PAK5: variants seen among roughly 807,000 people sequenced by gnomAD.
The protein encoded by PAK5 is serine/threonine-protein kinase PAK 5.
A neutral mutation model predicts 65.9 loss-of-function variants in PAK5; 16 were observed. The ratio of observed to expected loss-of-function variants is 0.24; its 90% CI spans 0.16 to 0.37. The LOEUF (loss-of-function observed/expected upper bound fraction) is 0.37, where lower values mean the gene tolerates loss of function less well. Among genes scored for constraint, PAK5 ranks in the 10% least tolerant of loss-of-function variants. The pLI is 1.00. For missense variants in PAK5, 785 were observed against 903.9 expected (o/e 0.87, Z 1.69); for synonymous variants, 371 against 354.9 (o/e 1.05, Z -0.51).
At chr20:9,610,371 G>A (rs778906840) in intron 3 of PAK5, among the ~76,000 whole-genome samples, 1 of 152,150 alleles carries the variant, frequency 6.6e-6, no homozygotes, top group Non-Finnish European at 1.5e-5. Context: ...AGCCTGTACT[G>A]GCAGCTATCT....
At chr20:9,670,582 G>A (rs1174146126) in intron 2 of PAK5, among the ~76,000 whole-genome samples, 1 of 152,212 alleles carries the variant, frequency 6.6e-6, no homozygotes. Flanking sequence ...TTTGAGAAGT[G>A]TCTGTTCATA....
At chr20:9,819,916 G>T (rs563006008) in intron 1 of PAK5, among the ~76,000 whole-genome samples, 1 of 152,156 alleles carries the variant, frequency 6.6e-6, no homozygotes, top group African/African-American at 2.4e-5. Flanking sequence ...AGAGCTGTAG[G>T]GGGGCTGTCC....
At chr20:9,687,181 G>A (rs367904202) in intron 2 of PAK5, among the ~76,000 whole-genome samples, 1 of 152,270 alleles carries the variant, frequency 6.6e-6, no homozygotes, top group East Asian at 1.9e-4. Flanking sequence ...CCCCAAGGCT[G>A]CCCATACTGG....
chr20:9,824,019 A>C (rs2049455906), intron 1 of PAK5, among the ~76,000 whole-genome samples: 2 of 152,236 alleles, frequency 1.3e-5, no homozygotes, highest in Non-Finnish European at 2.9e-5. Flanking sequence ...ATTAAATGAG[A>C]TAGTGTTTAC....
chr20:9,612,285 G>A (rs1237870763), intron 3 of PAK5, among the ~76,000 whole-genome samples: 3 of 152,118 alleles, frequency 2.0e-5, no homozygotes, highest in East Asian at 1.9e-4. Context: ...TGTCGTCTCC[G>A]TCTGGAGAAC....
At chr20:9,607,582 T>C (rs2046478413) in intron 3 of PAK5, among the ~76,000 whole-genome samples, 1 of 152,084 alleles carries the variant, frequency 6.6e-6, no homozygotes, top group African/African-American at 2.4e-5. Context: ...ATCCCAGCAC[T>C]TTGGGAGGCC....
intron 4 of PAK5, chr20:9,575,749 C>T (rs772257929): frequency 2.6e-5 from 4 of 152,198 alleles, no homozygotes; most frequent in African/African-American, 9.7e-5. Context: ...CAAGGTGAGG[C>T]TACCTCTAGG....
chr20:9,733,845 C>G (rs551294066), intron 1 of PAK5, among the ~76,000 whole-genome samples: 2 of 152,328 alleles, frequency 1.3e-5, no homozygotes, highest in Non-Finnish European at 2.9e-5. Flanking sequence ...CTCTACCCAT[C>G]TCTCCAGACC....
intron 3 of PAK5, among the ~76,000 whole-genome samples, chr20:9,617,129 C>G (rs1213361624): frequency 6.6e-6 from 1 of 152,158 alleles, no homozygotes; most frequent in Admixed American, 6.5e-5. Context: ...AATACATAAT[C>G]GGCTTCACTA....
intron 1 of PAK5, among the ~76,000 whole-genome samples, chr20:9,746,990 T>C (rs552831680): frequency 3.9e-5 from 6 of 151,994 alleles, no homozygotes; most frequent in Admixed American, 3.9e-4. Flanking sequence ...CAATAAAAAA[T>C]GGTAAAGGGG....
At chr20:9,590,869 C>T (rs536788253) in intron 3 of PAK5, among the ~76,000 whole-genome samples, 3 of 152,274 alleles carry the variant, frequency 2.0e-5, no homozygotes, top group South Asian at 4.1e-4. Flanking sequence ...AACAGCAATT[C>T]GAGAAGCAGA....
At position 9,665,085 on chromosome 20, in the gene PAK5, GT is replaced by G. The variant is rs754435525; in HGVS notation, c.-11-20747del. Among the ~76,000 whole-genome samples, 172 of 98,878 alleles carry G rather than the reference GT, an allele frequency of 1.7e-3. 4 individuals are homozygous for G. The highest frequency in any genetic ancestry group is 7.2e-3 in the Middle Eastern group (1 of 138). The allele number at this position is 98,878 out of a possible 152,430, so 64.9% of individuals were successfully genotyped here. On this transcript the variant is annotated intron_variant, in intron 2 of 9. Transcript: ENST00000353224. ...CCACCATGCCCAGCTAAATTTTTCT[GT>G]TTTTTTTTTTTTTTGTAGTGATGAA...
intron 8 of PAK5, among the ~76,000 whole-genome samples, chr20:9,543,897 A>G (rs2045304702): frequency 6.6e-6 from 1 of 152,170 alleles, no homozygotes; most frequent in Non-Finnish European, 1.5e-5. Flanking sequence ...TTTTTTTCCT[A>G]TGAGAAAACA....
intron 2 of PAK5, among the ~76,000 whole-genome samples, chr20:9,671,287 G>A (rs2047494053): frequency 6.6e-6 from 1 of 152,186 alleles, no homozygotes; most frequent in South Asian, 2.1e-4. Context: ...GAACTTTAAA[G>A]TAGTTTTTTC....
intron 1 of PAK5, among the ~76,000 whole-genome samples, chr20:9,781,687 C>T (rs939801099): frequency 7.1e-6 from 1 of 141,660 alleles, no homozygotes; most frequent in African/African-American, 2.7e-5. Context: ...TTTTAGTTCT[C>T]GTGCCAAGAA....
rs4053117 is a variant in PAK5 at position 9,677,045 on chromosome 20, ATGTGTGTGTGTGTGTG to A, written c.-11-32722_-11-32707del. The stretch of plus-strand genomic sequence containing the variant: ...GGGAAATCAAAATCAGGGTATGTGC[ATGTGTGTGTGTGTGTG>A]TGTGTGTGTGTGTGTGTGTGTGTGT... On this transcript the variant is annotated intron_variant, in intron 2 of 9. Coordinates refer to ENST00000353224, the MANE Select transcript of PAK5 (RefSeq NM_177990.4). Among the ~76,000 whole-genome samples the A allele has an allele frequency of 5.0e-5, 7 of 141,230 alleles. No homozygotes were observed. In the East Asian group the frequency reaches 6.7e-4, roughly 14 times the overall value. 92.7% of individuals were successfully genotyped at this position (141,230 alleles called of 152,430 possible). A position where few individuals can be genotyped will look rare whatever the true frequency, so the allele number is the denominator to read the frequency against.
chr20:9,797,499 G>A (rs1600385410), intron 1 of PAK5, among the ~76,000 whole-genome samples: 1 of 130,968 alleles, frequency 7.6e-6, no homozygotes, highest in Non-Finnish European at 1.6e-5. Flanking sequence ...CCTGTTGTGG[G>A]GTGGGGGGAG....
intron 6 of PAK5, among the ~76,000 whole-genome samples, chr20:9,561,589 T>C (rs186681636): frequency 8.3e-4 from 126 of 152,264 alleles, no homozygotes; most frequent in African/African-American, 2.9e-3. Context: ...CCGAGAACTG[T>C]AGAGCCACGT....
intron 3 of PAK5, among the ~76,000 whole-genome samples, chr20:9,599,052 C>T (rs1474141155): frequency 1.3e-5 from 2 of 152,112 alleles, no homozygotes; most frequent in Non-Finnish European, 2.9e-5. Context: ...CCCTGGTAAC[C>T]TCGAATCTAC....
Sources: allele counts gnomAD v4.1 joint callset (sites outside exome capture counted in the v4.1 genomes callset), GRCh38; gene constraint gnomAD v4.1.1; transcripts MANE v1.5; gene names NCBI Gene and HGNC (gene_info 2026-07-23, HGNC 2026-07-21).